The following RGS21 variants were observed in gnomAD, a reference collection of about 807,000 sequenced individuals.
RGS21 encodes the protein regulator of G protein signaling 21.
A neutral mutation model predicts 18.7 loss-of-function variants in RGS21; 19 were observed. The observed-to-expected ratio is 1.01, with a 90% CI of 0.71 to 1.49. The LOEUF (loss-of-function observed/expected upper bound fraction) is 1.49. Ranked by LOEUF, RGS21 falls within the 40% of genes most tolerant of loss-of-function variation. The pLI is 0.00. For synonymous variants in RGS21, 56 were observed against 57.8 expected (o/e 0.97, Z 0.14); for missense variants, 194 against 176.8 (o/e 1.10, Z -0.55).
intron 1 of RGS21, among the ~76,000 whole-genome samples, chr1:192,319,227 G>A (rs1009929076): frequency 1.3e-5 from 2 of 152,096 alleles, no homozygotes; most frequent in African/African-American, 4.8e-5. Context: ...TACAGACTGG[G>A]TGAGAGAACA....
Position 192,366,109 on chromosome 1 carries a change from G to T in RGS21, c.444G>T (p.Trp148Cys). Residue 148 changes from tryptophan to cysteine, a missense_variant, in exon 5 of 5, where the codon TGG becomes TGT. Transcript: ENST00000417209. The stretch of plus-strand genomic sequence containing the variant: ...AACAGGTTCCAAATCATAAAAAATG[G>T]CTCCCTTTTTTGTGAGGAAGGTAAA... ...NSQQVPNHKK[W>C]LPFL 1 of 1,600,150 alleles carries T rather than the reference G, an allele frequency of 6.2e-7. No homozygotes were observed. The highest frequency in any genetic ancestry group is 1.1e-5 in the South Asian group (1 of 90,066).
intron 3 of RGS21, among the ~76,000 whole-genome samples, chr1:192,349,828 T>C (rs1659010930): frequency 6.6e-6 from 1 of 152,152 alleles, no homozygotes; most frequent in South Asian, 2.1e-4. Context: ...TATCTTGATC[T>C]CTAACTTCCC....
chr1:192,320,801 A>T (rs1281695771), intron 1 of RGS21, among the ~76,000 whole-genome samples: 1 of 152,042 alleles, frequency 6.6e-6, no homozygotes, highest in African/African-American at 2.4e-5. Context: ...CTGACTAAAA[A>T]TATTTTTATA....
chr1:192,333,068 G>A (rs1208815618), intron 1 of RGS21, among the ~76,000 whole-genome samples: 3 of 151,960 alleles, frequency 2.0e-5, no homozygotes, highest in African/African-American at 7.2e-5. Context: ...ATGAAAAAAA[G>A]GGTCAACATC....
Position 192,338,912 on chromosome 1 carries a change from C to T in RGS21, c.-60-4065C>T, listed in dbSNP as rs1658810872. Among the ~76,000 whole-genome samples the T allele has an allele frequency of 2.0e-5, 3 of 152,096 alleles. No individual in the cohort carries two copies. The South Asian group carries it at 6.2e-4, about 32-fold the overall frequency. ...CTAACAGATTTAACTATCACTACCA[C>T]CTAAATACCAAGTTGCCCCCACTCA... is the stretch of plus-strand genomic sequence containing the variant. On this transcript the variant is annotated intron_variant, in intron 1 of 4. Coordinates refer to ENST00000417209, the MANE Select transcript of RGS21 (RefSeq NM_001039152.3).
chr1:192,336,645 A>G (rs2102227303), intron 1 of RGS21, among the ~76,000 whole-genome samples: 1 of 152,248 alleles, frequency 6.6e-6, no homozygotes, highest in Middle Eastern at 3.4e-3. Context: ...TAACCTGTCA[A>G]AAAAATGAAT....
At chr1:192,353,336 A>T (rs1210076571) in intron 4 of RGS21, among the ~76,000 whole-genome samples, 10 of 151,928 alleles carry the variant, frequency 6.6e-5, no homozygotes. Flanking sequence ...CCTGGAATTC[A>T]TGGGGATGGA....
intron 1 of RGS21, among the ~76,000 whole-genome samples, chr1:192,333,426 A>G (rs930266205): frequency 1.1e-4 from 17 of 152,008 alleles, no homozygotes; most frequent in Non-Finnish European, 2.5e-4. Flanking sequence ...ACCCCTAAAT[A>G]AGAAGTGTCC....
chr1:192,320,273 C>A (rs1303965976), intron 1 of RGS21, among the ~76,000 whole-genome samples: 1 of 151,986 alleles, frequency 6.6e-6, no homozygotes, highest in Non-Finnish European at 1.5e-5. Context: ...ACTTGTACCC[C>A]TGAACTTAAA....
chr1:192,349,851 T>C (rs1315512351), intron 3 of RGS21, among the ~76,000 whole-genome samples: 1 of 152,178 alleles, frequency 6.6e-6, no homozygotes, highest in African/African-American at 2.4e-5. Flanking sequence ...CTCTCTGGGA[T>C]GCATTTAGAA....
intron 4 of RGS21, among the ~76,000 whole-genome samples, chr1:192,358,542 GTGAA>G (rs1557982121): frequency 2.0e-5 from 3 of 152,020 alleles, no homozygotes; most frequent in Non-Finnish European, 4.4e-5. Flanking sequence ...AAGCTCAGCT[GTGAA>G]TGAGGTCTAA....
chr1:192,318,884 G>A (rs539154204), intron 1 of RGS21, among the ~76,000 whole-genome samples: 7 of 152,038 alleles, frequency 4.6e-5, no homozygotes, highest in Admixed American at 2.6e-4. Context: ...ATGTAGTCAC[G>A]GTGTCTATCT....
At chr1:192,341,403 A>C (rs1658859488) in intron 1 of RGS21, among the ~76,000 whole-genome samples, 1 of 152,094 alleles carries the variant, frequency 6.6e-6, no homozygotes, top group Non-Finnish European at 1.5e-5. Context: ...CCACTGGACC[A>C]AAAGCTGACG....
chr1:192,325,263 G>A (rs750890490), intron 1 of RGS21, among the ~76,000 whole-genome samples: 10 of 152,000 alleles, frequency 6.6e-5, no homozygotes, highest in Middle Eastern at 3.2e-3. Flanking sequence ...TTATGATAAT[G>A]ACCTCCAGCT....
Position 192,356,345 on chromosome 1 carries a change from G to A in RGS21, c.255+4132G>A, listed in dbSNP as rs141373852. ...AGGCAGGAAAACAGATAATAAACAC[G>A]TAAGTATAACACAATGTGTTGCTGT... On this transcript the variant is annotated intron_variant, in intron 4 of 4. Transcript: ENST00000417209. Among the ~76,000 whole-genome samples, 19 of 151,894 alleles carry A rather than the reference G, an allele frequency of 1.3e-4. 2 individuals carry two copies. Among genetic ancestry groups the A allele is most frequent in the Admixed American group, 8.6e-4 (13 of 15,198 alleles).
intron 2 of RGS21, among the ~76,000 whole-genome samples, chr1:192,346,803 C>T (rs1189844032): frequency 6.6e-6 from 1 of 151,986 alleles, no homozygotes; most frequent in East Asian, 1.9e-4. Context: ...TAGGTAAAGA[C>T]GTTTTGAAAT....
chr1:192,321,455 T>A (rs1278436622), intron 1 of RGS21, among the ~76,000 whole-genome samples: 2 of 152,004 alleles, frequency 1.3e-5, no homozygotes, highest in Non-Finnish European at 2.9e-5. Context: ...ACTCAGGGAT[T>A]TTCTAATCCC....
chr1:192,345,726 G>A (rs754915928), intron 2 of RGS21, among the ~76,000 whole-genome samples: 1 of 151,944 alleles, frequency 6.6e-6, no homozygotes, highest in South Asian at 2.1e-4. Context: ...TGTTCCACAG[G>A]TCTAAGTAGC....
intron 1 of RGS21, among the ~76,000 whole-genome samples, chr1:192,323,318 T>C (rs1658521169): frequency 6.6e-6 from 1 of 152,124 alleles, no homozygotes; most frequent in African/African-American, 2.4e-5. Flanking sequence ...CAGATTTGCT[T>C]TTCAGAGAGA....
Sources: gnomAD v4.1 joint callset for allele counts (sites outside exome capture counted in the v4.1 genomes callset) on GRCh38, gnomAD v4.1.1 for gene constraint, MANE v1.5 for transcripts, NCBI Gene and HGNC (gene_info 2026-07-23, HGNC 2026-07-21) for gene names.